The following CDHR2 variants were observed in gnomAD, a reference collection of about 807,000 sequenced individuals.
CDHR2 encodes cadherin related family member 2.
A neutral mutation model predicts 138.6 loss-of-function variants in CDHR2; 104 were observed. The observed-to-expected ratio is 0.75, with a 90% CI of 0.64 to 0.88. The LOEUF (loss-of-function observed/expected upper bound fraction) is 0.88. Among genes scored for constraint, CDHR2 ranks in the 40% least tolerant of loss-of-function variants. The pLI is 0.00. For missense variants in CDHR2, 1,624 were observed against 1,727.6 expected (o/e 0.94, Z 1.06); for synonymous variants, 755 against 742.8 (o/e 1.02, Z -0.27).
intron 26 of CDHR2, 24 bp from the exon 27 acceptor site, chr5:176,590,401 G>T (rs776093479): frequency 6.2e-7 from 1 of 1,614,176 alleles, no homozygotes; most frequent in South Asian, 1.1e-5. Context: ...GGTCCCTCGG[G>T]CCTAAGTGGA....
intron 14 of CDHR2, 58 bp from the exon 15 acceptor site, chr5:176,577,976 T>C: frequency 6.5e-7 from 1 of 1,546,832 alleles, no homozygotes; most frequent in South Asian, 1.2e-5. Flanking sequence ...ACGAGCTGCA[T>C]GGGTGGCGGT....
chr5:176,577,951 G>A lies in CDHR2; in HGVS notation c.1513-83G>A, dbSNP rs992207721. 4.7e-5 allele frequency: 71 copies of A among 1,513,500 alleles called. No homozygotes were observed. In the African/African-American group the frequency reaches 7.4e-4, roughly 16 times the overall value. The allele number at this position is 1,513,500 out of a possible 1,614,324, so 93.8% of individuals were successfully genotyped here. On this transcript the variant is annotated intron_variant, in intron 14 of 31. Coordinates refer to ENST00000261944, the MANE Select transcript of CDHR2 (RefSeq NM_017675.6). The stretch of plus-strand genomic sequence containing the variant: ...ATTCTCCCTTTGTGTGAGGAAGCAC[G>A]ACAGCTCTGTCCCCACGAGCTGCAT...
Position 176,575,203 on chromosome 5 carries a change from G to A in CDHR2, c.615G>A (p.Lys205=), listed in dbSNP as rs767585340. ...NKSAFYQLEL[K]ACDLGGMYHN... The stretch of plus-strand genomic sequence containing the variant: ...GCGCTTTCTACCAGCTGGAGCTGAA[G>A]GCCTGTGTGAGTGGGGGTGCCGGCA... The change falls in exon 8 of 32, where the codon AAG becomes AAA. Residue 205 remains lysine, a synonymous_variant. Coordinates refer to ENST00000261944, the MANE Select transcript of CDHR2 (RefSeq NM_017675.6). 13 of 1,614,108 alleles carry A rather than the reference G, an allele frequency of 8.1e-6. No homozygotes were observed. The highest frequency in any genetic ancestry group is 8.5e-7 in the Non-Finnish European group (1 of 1,180,054).
chr5:176,587,820 G>A (rs1264293310), intron 21 of CDHR2, among the ~76,000 whole-genome samples: 1 of 152,190 alleles, frequency 6.6e-6, no homozygotes, highest in Non-Finnish European at 1.5e-5. Context: ...GTAAAATGGG[G>A]ATAGTAATTC....
chr5:176,572,196 C>A (rs1350711424), intron 6 of CDHR2, among the ~76,000 whole-genome samples: 2 of 147,620 alleles, frequency 1.4e-5, no homozygotes, highest in Admixed American at 1.4e-4. Flanking sequence ...CCAGCCTGAC[C>A]AACATGGAGA....
chr5:176,543,991 C>T lies in CDHR2; in HGVS notation c.-16+1222C>T, dbSNP rs902375210. ...CGGGTCCCGGCGCCGGAGGGTAGCC[C>T]CACCGTCCCCGCCTCCTGGGCGCAT... On this transcript the variant is annotated intron_variant, in intron 1 of 31. Coordinates refer to the CDHR2 transcript ENST00000510636. This position sits in a 1 kb window ranked among gnomAD's most constrained non-coding sequence, Gnocchi z 4.0. Among the ~76,000 whole-genome samples the T allele has an allele frequency of 1.3e-5, 2 of 152,266 alleles. No individual in the cohort carries two copies. Among genetic ancestry groups the T allele is most frequent in the Non-Finnish European group, 2.9e-5 (2 of 68,044 alleles).
intron 30 of CDHR2, among the ~76,000 whole-genome samples, 200 bp from the exon 31 acceptor site, chr5:176,592,517 AGTGGTG>A (rs142561887): frequency 1.0e-5 from 1 of 100,054 alleles, no homozygotes; most frequent in Non-Finnish European, 2.2e-5. Context: ...TTATGATGAT[AGTGGTG>A]GTGGTGGTGT....
rs778025141 is a variant in CDHR2, at chr5:176,586,024, T to C, written c.2805T>C (p.Phe935=). 28 of 1,613,490 alleles carry C rather than the reference T, an allele frequency of 1.7e-5. No individual in the cohort carries two copies. Among genetic ancestry groups the C allele is most frequent in the Non-Finnish European group, 2.3e-5 (27 of 1,179,504 alleles). ...APYFLPENKT[F]VIIPELVLPN... ...ATTTTCTGCCTGAGAATAAGACTTT[T>C]GGTAAGCAGCAACCCCATTCACACA... Residue 935 remains phenylalanine (F), a splice_region_variant and synonymous_variant, in exon 20 of 32, where the codon TTT becomes TTC. Transcript: ENST00000261944.
chr5:176,581,100 G>T (rs898270003), intron 16 of CDHR2, among the ~76,000 whole-genome samples: 1 of 152,146 alleles, frequency 6.6e-6, no homozygotes, highest in African/African-American at 2.4e-5. Context: ...TGGGCACGTA[G>T]GTCCACAGTG....
rs1016304762 is a variant in CDHR2, at chr5:176,574,122, G to A, written c.445G>A (p.Val149Met). Residue 149 changes from valine to methionine, a missense_variant, in exon 7 of 32, where the codon GTG (valine) becomes ATG (methionine). Physicochemically the swap from Val to Met is conservative, Grantham distance 21. This residue lies in a region of CDHR2 where 1,061 missense variants were observed against 1,136.6 expected (regional missense o/e 0.93). Transcript: ENST00000261944. ...CAGTGTGGTGTTCTCCGTGCTGGCC[G>A]TGGATAAAGACATGGGGTCTGCAGG... ...VGSVVFSVLA[V>M]DKDMGSAGMV... The A allele has an allele frequency of 7.4e-6, 12 of 1,613,950 alleles. No individual in the cohort carries two copies. The highest frequency in any genetic ancestry group is 1.0e-5 in the Non-Finnish European group (12 of 1,179,960).
At chr5:176,548,600 G>A (rs920966404), upstream of CDHR2, among the ~76,000 whole-genome samples, 1 of 152,084 alleles carries the variant, frequency 6.6e-6, no homozygotes, top group Non-Finnish European at 1.5e-5. Context: ...AAAATTAGCC[G>A]GGTGTGGAGG....
chr5:176,588,378 T>C (rs930132869), intron 21 of CDHR2, among the ~76,000 whole-genome samples: 7 of 150,364 alleles, frequency 4.7e-5, no homozygotes, highest in Non-Finnish European at 8.9e-5. Context: ...TGAGTGTGTG[T>C]GAATTGAGTG....
rs972297694 is a variant in CDHR2, at chr5:176,581,064, T to A, written c.1819-279T>A. On this transcript the variant is annotated intron_variant, in intron 16 of 31. Transcript: ENST00000261944. ...AGGGCCTGTCTTGATGATGGCTCTA[T>A]TCTTTCTTTGCACCTGGAACGGGGC... is the stretch of plus-strand genomic sequence containing the variant. 2.0e-5 allele frequency among the ~76,000 whole-genome samples: 3 copies of A among 152,198 alleles called. No homozygotes were observed. In the East Asian group the frequency reaches 5.8e-4, roughly 29 times the overall value.
At chr5:176,574,971 C>T in intron 7 of CDHR2, 113 bp from the exon 8 acceptor site, 1 of 1,299,708 alleles carries the variant, frequency 7.7e-7, no homozygotes, top group Non-Finnish European at 1.1e-6. Flanking sequence ...GACCTGGTGC[C>T]AGTGGCGTGA....
Position 176,575,494 on chromosome 5 carries a change from G to T in CDHR2, c.769-12G>T, listed in dbSNP as rs769805729. On this transcript the variant is annotated splice_polypyrimidine_tract_variant and intron_variant, in intron 9 of 31. Transcript: ENST00000261944. Reference sequence around the variant, plus strand: ...GGGAAGTTTGAGGAGCACTGACCAGGCCCCATTCCAGGGAACCTCGGTGCT... The same window carrying T: ...GGGAAGTTTGAGGAGCACTGACCAGTCCCCATTCCAGGGAACCTCGGTGCT... 3 of 1,614,040 alleles carry T rather than the reference G, an allele frequency of 1.9e-6. No individual in the cohort carries two copies.
chr5:176,550,730 C>G (rs532616404), intron 1 of CDHR2, among the ~76,000 whole-genome samples: 1 of 152,154 alleles, frequency 6.6e-6, no homozygotes, highest in Non-Finnish European at 1.5e-5. Context: ...GAGTGCACCC[C>G]GGGGGCTCCC....
In CDHR2 at chr5:176,595,599, G is replaced by T; in HGVS notation, c.3860G>T (p.Arg1287Leu). 1 of 1,612,940 alleles carries T rather than the reference G, an allele frequency of 6.2e-7. No homozygotes were observed. The highest frequency in any genetic ancestry group is 1.1e-5 in the South Asian group (1 of 90,974). ...CCCCTGAGCGTGGTCCTGTTAGGACGGCAGGCAGGCGCAAGTGGACAGCTG... is the reference window on the plus strand; with the variant it reads ...CCCCTGAGCGTGGTCCTGTTAGGACTGCAGGCAGGCGCAAGTGGACAGCTG... ...PEPLSVVLLG[R>L]QAGASGQLEG... Residue 1287 changes from arginine to leucine, a missense_variant, in exon 32 of 32, where the codon CGG (arginine) becomes CTG (leucine). This residue lies in a region of CDHR2 where 556 missense variants were observed against 565.7 expected (regional missense o/e 0.98). Coordinates refer to ENST00000261944, the MANE Select transcript of CDHR2 (RefSeq NM_017675.6).
upstream of CDHR2, among the ~76,000 whole-genome samples, chr5:176,548,535 T>A (rs1757636438): frequency 1.3e-5 from 2 of 152,032 alleles, no homozygotes; most frequent in African/African-American, 4.8e-5. Flanking sequence ...AGGTTAGGAG[T>A]TCGAGACCAG....
intron 30 of CDHR2, 118 bp downstream of exon 30, chr5:176,591,602 G>A (rs542863192): frequency 7.8e-5 from 58 of 746,874 alleles, no homozygotes; most frequent in South Asian, 7.3e-4. Context: ...GTGTGGTCAT[G>A]GTAGTAGTGG....
Sources: gnomAD v4.1 joint callset for allele counts (sites outside exome capture counted in the v4.1 genomes callset) on GRCh38, gnomAD v4.1.1 for gene constraint, gnomAD v4.1.1 regional missense constraint, Gnocchi (gnomAD v3.1) non-coding constraint, MANE v1.5 for transcripts, NCBI Gene and HGNC (gene_info 2026-07-23, HGNC 2026-07-21) for gene names.